Variants in ZC3H12C observed in about 807,000 individuals in gnomAD.
ZC3H12C encodes zinc finger CCCH-type containing 12C.
Under a neutral mutation model 76.3 loss-of-function variants are expected in ZC3H12C, and 20 were observed. The ratio of observed to expected loss-of-function variants is 0.26; its 90% confidence interval spans 0.18 to 0.38. ZC3H12C has a LOEUF of 0.38. ZC3H12C is among the 10% of genes least tolerant of loss of function. ZC3H12C has a pLI of 1.00. For synonymous variants in ZC3H12C, 352 were observed against 399.6 expected, an observed-to-expected ratio of 0.88 and a Z score of 1.42; for missense variants, 874 against 1,086.5, an observed-to-expected ratio of 0.80 and a Z score of 2.75.
chr11:110,150,582 A>G (rs1034469261), intron 2 of ZC3H12C, among the ~76,000 whole-genome samples: 2 of 152,120 alleles, frequency 1.3e-5, no homozygotes, highest in South Asian at 2.1e-4. Context: ...AATCTGTTCT[A>G]TGACCTAGTA....
chr11:110,119,566 C>T (rs933884227), intron 1 of ZC3H12C, among the ~76,000 whole-genome samples: 1 of 152,192 alleles, frequency 6.6e-6, no homozygotes. Flanking sequence ...ATGAGCACAC[C>T]ATGCACACTC....
At chr11:110,108,442 A>C (rs1861371051) in intron 1 of ZC3H12C, among the ~76,000 whole-genome samples, 2 of 152,270 alleles carry the variant, frequency 1.3e-5, no homozygotes, top group Admixed American at 1.3e-4. Context: ...CATATGTGAT[A>C]TCATGATAGC....
At chr11:110,100,450 G>T (rs1298868840) in intron 1 of ZC3H12C, among the ~76,000 whole-genome samples, 1 of 152,086 alleles carries the variant, frequency 6.6e-6, no homozygotes, top group Non-Finnish European at 1.5e-5. Flanking sequence ...ATTGCTTTTT[G>T]GTTCTTTTTT....
At chr11:110,108,591 A>T (rs1025122381) in intron 1 of ZC3H12C, among the ~76,000 whole-genome samples, 3 of 152,216 alleles carry the variant, frequency 2.0e-5, no homozygotes, top group Admixed American at 2.0e-4. Flanking sequence ...TTAAGTTACT[A>T]AAATTTTGCT....
At chr11:110,107,422 A>C (rs1282797411) in intron 1 of ZC3H12C, among the ~76,000 whole-genome samples, 1 of 152,074 alleles carries the variant, frequency 6.6e-6, no homozygotes, top group African/African-American at 2.4e-5. Context: ...TCACTCTGTC[A>C]CTCAGGCTGG....
At chr11:110,115,748 C>CTTTTTTTTTTTTTTTTTTTT (rs71476067) in intron 1 of ZC3H12C, among the ~76,000 whole-genome samples, 2 of 120,320 alleles carry the variant, frequency 1.7e-5, no homozygotes, top group African/African-American at 3.2e-5. Flanking sequence ...TTCTCATTTT[C>CTTTTTTTTTTTTTTTTTTTT]TTTTTTTTTT....
At chr11:110,131,422 G>A (rs1056835034) in intron 1 of ZC3H12C, 1 of 318,054 alleles carries the variant, frequency 3.1e-6, no homozygotes, top group Non-Finnish European at 5.8e-6. Flanking sequence ...ATAAATGGTG[G>A]ATTTAAATCT....
At chr11:110,118,277 GATT>G (rs1225776000) in intron 1 of ZC3H12C, among the ~76,000 whole-genome samples, 1 of 151,182 alleles carries the variant, frequency 6.6e-6, no homozygotes, top group African/African-American at 2.4e-5. Context: ...GAGGAAATCT[GATT>G]ATTTTATATT....
Position 110,150,880 on chromosome 11 carries a change from G to T in ZC3H12C, c.774-2039G>T, listed in dbSNP as rs369665472. Among the ~76,000 whole-genome samples the T allele has an allele frequency of 3.0e-4, 46 of 152,064 alleles. 1 individual carries two copies. The South Asian group carries it at 4.8e-3, about 16-fold the overall frequency. On this transcript the variant is annotated intron_variant, in intron 2 of 5. Coordinates refer to ENST00000278590, the MANE Select transcript of ZC3H12C (RefSeq NM_033390.2). ...AATAACTTTTCTGCTCCTAATAATG[G>T]TTTTTGCCATAAAATATATTCTTTT...
rs1862567161 is a variant in ZC3H12C, at chr11:110,165,559, G to A, written c.2474G>A (p.Cys825Tyr). 1 of 1,613,248 alleles carries A rather than the reference G, an allele frequency of 6.2e-7. No individual in the cohort carries two copies. The highest frequency in any genetic ancestry group is 8.5e-7 in the Non-Finnish European group (1 of 1,179,566). Residue 825 changes from cysteine (C) to tyrosine (Y), a missense_variant, in exon 6 of 6, where the codon TGT becomes TAT. Around this residue, in one of 3 missense-constraint regions of ZC3H12C, gnomAD observed 395 missense variants for 434.4 expected, o/e 0.91. Coordinates refer to ENST00000278590, the MANE Select transcript of ZC3H12C (RefSeq NM_033390.2). ...GAGCCAGCCTGGCGGATCCCATACT[G>A]TGGAATGCCGCAAGATCCCCCGAGG... The part of the protein sequence containing the change: ...QQEPAWRIPY[C>Y]GMPQDPPRYQ...
chr11:110,162,562 T>C (rs1338533673), intron 4 of ZC3H12C, among the ~76,000 whole-genome samples: 2 of 152,230 alleles, frequency 1.3e-5, no homozygotes, highest in African/African-American at 4.8e-5. Context: ...TAAATTCTTC[T>C]CTTCTTTATT....
intron 2 of ZC3H12C, among the ~76,000 whole-genome samples, chr11:110,141,427 A>G (rs918277073): frequency 6.6e-6 from 1 of 152,244 alleles, no homozygotes; most frequent in African/African-American, 2.4e-5. Context: ...GGGAAGCTGT[A>G]TGAACTTGAG....
chr11:110,163,445 A>G, intron 5 of ZC3H12C, 66 bp downstream of exon 5: 1 of 1,297,614 alleles, frequency 7.7e-7, no homozygotes, highest in South Asian at 1.5e-5. Context: ...ACTTTTGTTA[A>G]CAAAAATGAA....
rs1365038453 is a variant in ZC3H12C, at chr11:110,136,611, C to T, written c.22-52C>T. 3.2e-6 allele frequency: 5 copies of T among 1,552,542 alleles called. No homozygotes were observed. The East Asian group carries it at 9.0e-5, about 28-fold the overall frequency. On this transcript the variant is annotated intron_variant, in intron 1 of 5. Coordinates refer to ENST00000278590, the MANE Select transcript of ZC3H12C (RefSeq NM_033390.2). ...TTCTCTTCTGACTTCTCCATTGAGA[C>T]AGAAATCTAGCCATAACTATGAAAT...
At chr11:110,151,995 T>G (rs1165493045) in intron 2 of ZC3H12C, among the ~76,000 whole-genome samples, 1 of 152,166 alleles carries the variant, frequency 6.6e-6, no homozygotes, top group African/African-American at 2.4e-5. Context: ...CCTTCAATAT[T>G]TCATTCAGCC....
chr11:110,155,708 A>G (rs1027558998), intron 3 of ZC3H12C, among the ~76,000 whole-genome samples: 1 of 152,178 alleles, frequency 6.6e-6, no homozygotes, highest in Non-Finnish European at 1.5e-5. Context: ...ACACAGGCAT[A>G]CATATATATA....
At chr11:110,127,819 C>G (rs117888701) in intron 1 of ZC3H12C, among the ~76,000 whole-genome samples, 1 of 151,374 alleles carries the variant, frequency 6.6e-6, no homozygotes, top group Non-Finnish European at 1.5e-5. Flanking sequence ...TCCCTTGAAG[C>G]TGGGAGGTGG....
In ZC3H12C at chr11:110,136,401, AC is replaced by A. The variant is rs1861959700; in HGVS notation, c.22-261del. On this transcript the variant is annotated intron_variant, in intron 1 of 5. Transcript: ENST00000278590. ...GGAAAAGCATGGGTTTTAGAATCAGACGAAACTGGGTAAAAAAATACAGTTC... is the reference window on the plus strand; with the variant it reads ...GGAAAAGCATGGGTTTTAGAATCAGAGAAACTGGGTAAAAAAATACAGTTC... The A allele has an allele frequency of 8.1e-6, 3 of 370,870 alleles. No homozygotes were observed. The South Asian group carries it at 1.5e-4, about 18-fold the overall frequency. The allele number at this position is 370,870 out of a possible 1,614,324, so 23.0% of individuals were successfully genotyped here. A position where few individuals can be genotyped will look rare whatever the true frequency, so the allele number is the denominator to read the frequency against.
rs1177176921 is a variant in ZC3H12C at position 110,166,186 on chromosome 11, A to C, written c.*449A>C. On this transcript the variant is annotated 3_prime_UTR_variant, in exon 6 of 6. Transcript: ENST00000278590. ...CAAACTGTTTTTTCGAGCCAAGCTT[A>C]GTTAGACTCTTTTACAGCTTTTTAA... 1 of 156,122 alleles carries C rather than the reference A, an allele frequency of 6.4e-6. No homozygotes were observed. The highest frequency in any genetic ancestry group is 1.4e-5 in the Non-Finnish European group (1 of 70,634). 9.7% of individuals were successfully genotyped at this position (156,122 alleles called of 1,614,324 possible). A position where few individuals can be genotyped will look rare whatever the true frequency, so the allele number is the denominator to read the frequency against.
Sources: allele counts gnomAD v4.1 joint callset (sites outside exome capture counted in the v4.1 genomes callset), GRCh38; gene constraint gnomAD v4.1.1; regional missense constraint gnomAD v4.1.1; transcripts MANE v1.5; gene names NCBI Gene and HGNC (gene_info 2026-07-23, HGNC 2026-07-21).